BCAR3: variants seen among roughly 807,000 people sequenced by gnomAD.
The protein encoded by BCAR3 is BCAR3 adaptor protein, NSP family member, also known as breast cancer anti-estrogen resistance protein 3.
A neutral mutation model predicts 80.1 loss-of-function variants in BCAR3; 37 were observed. That is an observed-to-expected ratio of 0.46 (90% CI 0.36 to 0.61). The LOEUF (loss-of-function observed/expected upper bound fraction) is 0.61, where lower values mean the gene tolerates loss of function less well. BCAR3 is among the 20% of genes least tolerant of loss of function. The pLI is 0.00. For synonymous variants in BCAR3, 389 were observed against 418.9 expected (o/e 0.93, Z 0.87); for missense variants, 978 against 1,068.2 (o/e 0.92, Z 1.18).
chr1:93,827,554 C>G (rs1159057134), intron 2 of BCAR3, among the ~76,000 whole-genome samples: 1 of 152,076 alleles, frequency 6.6e-6, no homozygotes, highest in Non-Finnish European at 1.5e-5. Context: ...GGCATCCTCT[C>G]TTATTCAGCC....
intron 2 of BCAR3, among the ~76,000 whole-genome samples, chr1:93,787,160 G>A (rs1652976583): frequency 6.6e-6 from 1 of 152,208 alleles, no homozygotes; most frequent in South Asian, 2.1e-4. Flanking sequence ...TGTCTTGTCA[G>A]GGGAGGGAGC....
intron 2 of BCAR3, among the ~76,000 whole-genome samples, chr1:93,746,507 A>G (rs1651364031): frequency 6.6e-6 from 1 of 152,200 alleles, no homozygotes; most frequent in Non-Finnish European, 1.5e-5. Context: ...AGAACAGAGC[A>G]ACTTTCTCAG....
At chr1:93,732,031 A>T (rs571973277) in intron 2 of BCAR3, among the ~76,000 whole-genome samples, 1 of 152,358 alleles carries the variant, frequency 6.6e-6, no homozygotes, top group African/African-American at 2.4e-5. Context: ...TGGACAGCTG[A>T]CTGTCCATGT....
chr1:93,610,931 A>G (rs1271214434), intron 3 of BCAR3, among the ~76,000 whole-genome samples: 1 of 152,048 alleles, frequency 6.6e-6, no homozygotes, highest in Non-Finnish European at 1.5e-5. Context: ...AAAAAAAAAA[A>G]AGAAAGAGCA....
At chr1:93,680,592 C>T (rs558128013) in intron 1 of BCAR3, among the ~76,000 whole-genome samples, 71 of 152,360 alleles carry the variant, frequency 4.7e-4, no homozygotes, top group African/African-American at 1.7e-3. Flanking sequence ...AGCGTACTTT[C>T]CTTGGGGAGG....
intron 2 of BCAR3, among the ~76,000 whole-genome samples, chr1:93,829,714 G>T (rs1654491860): frequency 6.6e-6 from 1 of 152,186 alleles, no homozygotes; most frequent in African/African-American, 2.4e-5. Context: ...TGTTATAAAA[G>T]TGTTGGCTGT....
At chr1:93,749,705 T>A (rs12131932) in intron 2 of BCAR3, among the ~76,000 whole-genome samples, 17,801 of 152,156 alleles carry the variant, frequency 0.12, 1,462 homozygotes, top group African/African-American at 0.22. Context: ...ATTCTCACAT[T>A]ACTTTCAAGT....
chr1:93,677,348 G>A (rs901541277), intron 1 of BCAR3, among the ~76,000 whole-genome samples: 1 of 152,172 alleles, frequency 6.6e-6, no homozygotes, highest in Non-Finnish European at 1.5e-5. Flanking sequence ...GAGTGAAGCC[G>A]AGAAGCATTT....
At chr1:93,572,831 T>C (rs1264246806) in intron 8 of BCAR3, among the ~76,000 whole-genome samples, 2 of 152,230 alleles carry the variant, frequency 1.3e-5, no homozygotes, top group East Asian at 3.9e-4. Context: ...TACTCCACGC[T>C]GTGCTCTCTC....
At chr1:93,583,988 C>A (rs763710747) in intron 6 of BCAR3, 30 bp downstream of exon 6, 16 of 1,596,732 alleles carry the variant, frequency 1.0e-5, no homozygotes, top group Non-Finnish European at 1.4e-5. Context: ...GTAACACTGA[C>A]GTTCTCCCTG....
chr1:93,774,724 C>G (rs1652485469), intron 2 of BCAR3, among the ~76,000 whole-genome samples: 1 of 152,144 alleles, frequency 6.6e-6, no homozygotes, highest in Non-Finnish European at 1.5e-5. Context: ...TGAGGGAATA[C>G]TTTTTCAAAG....
chr1:93,655,884 A>G (rs907494274), intron 2 of BCAR3, among the ~76,000 whole-genome samples: 1 of 152,242 alleles, frequency 6.6e-6, no homozygotes, highest in African/African-American at 2.4e-5. Flanking sequence ...CCATGAAGGA[A>G]AAGCAGAGAA....
intron 2 of BCAR3, among the ~76,000 whole-genome samples, chr1:93,781,563 C>A (rs1652762561): frequency 6.6e-6 from 1 of 152,106 alleles, no homozygotes; most frequent in Non-Finnish European, 1.5e-5. Flanking sequence ...GTTATTACAC[C>A]AGCCCTACTT....
intron 2 of BCAR3, among the ~76,000 whole-genome samples, chr1:93,665,659 C>G (rs1350851639): frequency 6.6e-6 from 1 of 152,190 alleles, no homozygotes; most frequent in Non-Finnish European, 1.5e-5. Flanking sequence ...TCAGGCCAGA[C>G]CTTTTTTGCA....
At chr1:93,642,746 CTG>C (rs549026989) in intron 2 of BCAR3, among the ~76,000 whole-genome samples, 2 of 152,234 alleles carry the variant, frequency 1.3e-5, no homozygotes, top group Non-Finnish European at 2.9e-5. Flanking sequence ...CCACCAGTAA[CTG>C]TGTTGTGCCC....
chr1:93,810,192 C>CAGAAAAAAAA, intron 2 of BCAR3, among the ~76,000 whole-genome samples: 1 of 98,868 alleles, frequency 1.0e-5, no homozygotes, highest in African/African-American at 3.5e-5. Flanking sequence ...GACTCCATCT[C>CAGAAAAAAAA]AAAAAAAAAA....
At chr1:93,831,574 T>C (rs1252276116) in intron 2 of BCAR3, among the ~76,000 whole-genome samples, 1 of 152,150 alleles carries the variant, frequency 6.6e-6, no homozygotes, top group African/African-American at 2.4e-5. Flanking sequence ...TAATCTCTGT[T>C]CCTGAAGCGA....
rs140252969 is a variant in BCAR3, at chr1:93,640,215, C to A, written c.357+2089G>T. 4.1e-3 allele frequency among the ~76,000 whole-genome samples: 631 copies of A among 152,258 alleles called. 3 individuals are homozygous for A. The highest frequency in any genetic ancestry group is 5.4e-3 in the Non-Finnish European group (365 of 68,020). On this transcript the variant is annotated intron_variant, in intron 3 of 11. Coordinates refer to ENST00000260502, the MANE Select transcript of BCAR3 (RefSeq NM_003567.4). ...CCTGGCACTGGTCAGCCCGGCTCCA[C>A]AGGGCAACTAAGTGTGAGAAGTGCT...
intron 3 of BCAR3, among the ~76,000 whole-genome samples, chr1:93,621,477 G>C (rs964410986): frequency 6.6e-6 from 1 of 152,202 alleles, no homozygotes; most frequent in African/African-American, 2.4e-5. Context: ...TGGCATGTAG[G>C]AAGGGAGGTG....
Sources: allele counts gnomAD v4.1 joint callset (sites outside exome capture counted in the v4.1 genomes callset), GRCh38; gene constraint gnomAD v4.1.1; transcripts MANE v1.5; gene names NCBI Gene and HGNC (gene_info 2026-07-23, HGNC 2026-07-21).